ABCA9: variants seen among roughly 807,000 people sequenced by gnomAD.
ABCA9 encodes the protein ATP binding cassette subfamily A member 9, also known as ATP-binding cassette sub-family A member 9.
ABCA9 carries 183 observed loss-of-function variants against 205.3 expected under a neutral mutation model. The ratio of observed to expected loss-of-function variants is 0.89; its 90% CI spans 0.79 to 1.01. The LOEUF is 1.01. Among genes scored for constraint, ABCA9 ranks in the 50% least tolerant of loss-of-function variants. The probability of loss-of-function intolerance (pLI) is 0.00; values close to 1 mark genes in which losing one functional copy is unlikely to be tolerated. For synonymous variants in ABCA9, 651 were observed against 683.3 expected, an observed-to-expected ratio of 0.95 and a Z score of 0.74; for missense variants, 1,805 against 1,912.4, an observed-to-expected ratio of 0.94 and a Z score of 1.05.
At chr17:68,977,120 T>C (rs2143907580) in intron 37 of ABCA9, among the ~76,000 whole-genome samples, 2 of 152,110 alleles carry the variant, frequency 1.3e-5, no homozygotes, top group East Asian at 3.9e-4. Flanking sequence ...TTCTCATGGA[T>C]TTCAAAGGGG....
chr17:69,044,443 C>G (rs1567969005), intron 5 of ABCA9, 54 bp downstream of exon 5: 1 of 1,464,420 alleles, frequency 6.8e-7, no homozygotes, highest in Non-Finnish European at 9.5e-7. Flanking sequence ...ATTAAATCAC[C>G]ATCCAGCAAA....
rs756051987 is a variant in ABCA9 at position 69,033,903 on chromosome 17, A to G, written c.1129-30T>C. On this transcript the variant is annotated intron_variant, in intron 8 of 38. Transcript: ENST00000340001. ...AAAAGAAAGATACAGTGAATTTTAA[A>G]AGAATTAATATGGCATTAAGAATTA... 1.8e-5 allele frequency: 27 copies of G among 1,500,864 alleles called. No individual in the cohort carries two copies. In the Admixed American group the frequency reaches 3.4e-4, roughly 19 times the overall value. The allele number at this position is 1,500,864 out of a possible 1,614,324, so 93.0% of individuals were successfully genotyped here.
At position 69,023,438 on chromosome 17, in the gene ABCA9, T is replaced by C. The variant is rs1386600456; in HGVS notation, c.2281+776A>G. 6.6e-6 allele frequency among the ~76,000 whole-genome samples: 1 copy of C among 152,206 alleles called. No homozygotes were observed. The highest frequency in any genetic ancestry group is 1.5e-5 in the Non-Finnish European group (1 of 68,028). ...ATTATAGAGCTAATAATAGCATAGC[T>C]GGTGTTTGAATCTAGACTGGCTCTA... On this transcript the variant is annotated intron_variant, in intron 17 of 38. Transcript: ENST00000340001. The surrounding 1 kb of genome is among the most constrained non-coding windows in gnomAD (Gnocchi z 4.2).
chr17:69,047,194 T>C (rs1406216961), intron 3 of ABCA9, among the ~76,000 whole-genome samples: 2 of 151,162 alleles, frequency 1.3e-5, no homozygotes, highest in East Asian at 3.9e-4. Flanking sequence ...TGACCTAAGA[T>C]GATCCGCCCA....
the ABCA9 span, among the ~76,000 whole-genome samples, chr17:69,076,703 T>G: frequency 6.6e-6 from 1 of 152,144 alleles, no homozygotes; most frequent in Non-Finnish European, 1.5e-5. Context: ...GGTATTGGTC[T>G]GCTAGGGTTT....
At chr17:69,018,025 A>T in intron 20 of ABCA9, 1 of 465,880 alleles carries the variant, frequency 2.1e-6, no homozygotes. Flanking sequence ...TATAGAAATA[A>T]GAATTGCTGT....
chr17:69,015,956 G>A (rs1189524081), intron 22 of ABCA9, among the ~76,000 whole-genome samples: 1 of 134,074 alleles, frequency 7.5e-6, no homozygotes, highest in African/African-American at 3.0e-5. Flanking sequence ...AATATTGTGT[G>A]GTCAATTCTA....
chr17:69,065,695 A>G (rs1389050346), upstream of ABCA9, among the ~76,000 whole-genome samples: 1 of 152,090 alleles, frequency 6.6e-6, no homozygotes, highest in Non-Finnish European at 1.5e-5. Context: ...TTCAGGTTTC[A>G]GCTCTGATCT....
At chr17:69,021,684 C>G in intron 18 of ABCA9, 58 bp downstream of exon 18, 49 of 1,036,778 alleles carry the variant, frequency 4.7e-5, no homozygotes, top group Non-Finnish European at 6.1e-5. Context: ...TTTCGTCCTT[C>G]CTTCCTTCCT....
intron 2 of ABCA9, 102 bp downstream of exon 2, chr17:69,050,929 A>G (rs2071882190): frequency 2.0e-6 from 2 of 1,000,480 alleles, no homozygotes; most frequent in African/African-American, 1.6e-5. Context: ...ATTAGACTAC[A>G]CATATGTGCA....
intron 3 of ABCA9, 25 bp from the exon 4 acceptor site, chr17:69,045,361 A>C: frequency 6.3e-7 from 1 of 1,593,640 alleles, no homozygotes; most frequent in South Asian, 1.1e-5. Flanking sequence ...AAACAAAAGA[A>C]ATAGTTAAGC....
At chr17:69,053,424 C>G (rs1283913384) in intron 1 of ABCA9, among the ~76,000 whole-genome samples, 1 of 152,094 alleles carries the variant, frequency 6.6e-6, no homozygotes, top group Non-Finnish European at 1.5e-5. Flanking sequence ...TGTGCCAAAA[C>G]TAGGGGGCAG....
In ABCA9 at chr17:69,027,122, G is replaced by A. The variant is rs1598389812; in HGVS notation, c.1912-8C>T. ...TTCATCCAATAGCAAAACCTGGACAGGAGGAAAGTCCTAAAGTAATTCCAC... is the reference window on the plus strand; with the variant it reads ...TTCATCCAATAGCAAAACCTGGACAAGAGGAAAGTCCTAAAGTAATTCCAC... On this transcript the variant is annotated splice_polypyrimidine_tract_variant and splice_region_variant and intron_variant, in intron 14 of 38. Coordinates refer to ENST00000340001, the MANE Select transcript of ABCA9 (RefSeq NM_080283.4). 1 of 1,613,374 alleles carries A rather than the reference G, an allele frequency of 6.2e-7. No homozygotes were observed. Among genetic ancestry groups the A allele is most frequent in the African/African-American group, 1.3e-5 (1 of 75,008 alleles).
At chr17:69,020,240 GTTTC>G (rs1275360827) in intron 19 of ABCA9, 144 bp downstream of exon 19, 21 of 747,024 alleles carry the variant, frequency 2.8e-5, no homozygotes, top group South Asian at 1.1e-4. Context: ...ATTAAAAATG[GTTTC>G]TTTAATTAAA....
At chr17:69,076,221 A>G in the ABCA9 span, among the ~76,000 whole-genome samples, 7 of 152,038 alleles carry the variant, frequency 4.6e-5, no homozygotes, top group African/African-American at 1.7e-4. Flanking sequence ...GAGGGTTTTT[A>G]TCATGAAGGG....
chr17:68,994,178 T>C (rs2069544551), intron 26 of ABCA9, among the ~76,000 whole-genome samples: 1 of 152,144 alleles, frequency 6.6e-6, no homozygotes, highest in African/African-American at 2.4e-5. Flanking sequence ...ACCTGGCCTC[T>C]GCCAGTACAT....
At chr17:69,003,440 T>C (rs1371120992) in intron 25 of ABCA9, among the ~76,000 whole-genome samples, 38 of 138,858 alleles carry the variant, frequency 2.7e-4, no homozygotes, top group African/African-American at 9.9e-4. Context: ...ATGTTGAATA[T>C]TGGCCCCCAC....
chr17:68,991,541 A>T (rs1444396317), intron 28 of ABCA9, among the ~76,000 whole-genome samples: 2 of 152,128 alleles, frequency 1.3e-5, no homozygotes, highest in Non-Finnish European at 1.5e-5. Context: ...CCCTCATGCC[A>T]CGCTCTGACA....
the ABCA9 span, among the ~76,000 whole-genome samples, chr17:69,075,422 A>G: frequency 3.2e-4 from 49 of 152,280 alleles, no homozygotes; most frequent in African/African-American, 9.4e-4. Flanking sequence ...AATTTTGTAT[A>G]TGGTGAAAGG....
Sources: gnomAD v4.1 joint callset for allele counts (sites outside exome capture counted in the v4.1 genomes callset) on GRCh38, gnomAD v4.1.1 for gene constraint, Gnocchi (gnomAD v3.1) non-coding constraint, MANE v1.5 for transcripts, NCBI Gene and HGNC (gene_info 2026-07-23, HGNC 2026-07-21) for gene names.